RNF180: variants seen among roughly 807,000 people sequenced by gnomAD.
RNF180 encodes the protein E3 ubiquitin-protein ligase RNF180.
Under a neutral mutation model 59.2 loss-of-function variants are expected in RNF180, and 38 were observed. The ratio of observed to expected loss-of-function variants is 0.64; its 90% CI spans 0.50 to 0.84. The LOEUF is 0.84. Among genes scored for constraint, RNF180 ranks in the 40% least tolerant of loss-of-function variants. RNF180 has a pLI of 0.00. For synonymous variants in RNF180, 262 were observed against 240.3 expected (o/e 1.09, Z -0.84); for missense variants, 705 against 700.9 (o/e 1.01, Z -0.07).
intron 7 of RNF180, among the ~76,000 whole-genome samples, chr5:64,338,978 T>C (rs1325607119): frequency 2.0e-5 from 3 of 152,158 alleles, no homozygotes; most frequent in Non-Finnish European, 2.9e-5. Flanking sequence ...ATTGTATTTA[T>C]TTTTTATACT....
chr5:64,325,046 G>A (rs754521788), intron 5 of RNF180, 140 bp from the exon 6 acceptor site: 3 of 606,954 alleles, frequency 4.9e-6, no homozygotes, highest in African/African-American at 1.9e-5. Context: ...ACTTTGAAAG[G>A]TAGCATTTCT....
chr5:64,192,900 CATGTATATATATATATAT>C (rs1364322165), intron 1 of RNF180, among the ~76,000 whole-genome samples: 1 of 32,842 alleles, frequency 3.0e-5, no homozygotes, highest in Non-Finnish European at 5.9e-5. Flanking sequence ...GAAAGTGTGG[CATGTATATATATATATAT>C]ATATATATAT....
chr5:64,219,557 C>G (rs891818834), intron 5 of RNF180, among the ~76,000 whole-genome samples: 1 of 151,978 alleles, frequency 6.6e-6, no homozygotes, highest in African/African-American at 2.4e-5. Context: ...GCTCTGTCAC[C>G]AGGCTGGAGT....
intron 1 of RNF180, among the ~76,000 whole-genome samples, chr5:64,192,852 G>GAA (rs1261715138): frequency 1.4e-5 from 2 of 143,006 alleles, no homozygotes; most frequent in Non-Finnish European, 3.0e-5. Flanking sequence ...AATAAGGGGA[G>GAA]AAAAAACCAG....
chr5:64,370,073 G>T lies in RNF180; in HGVS notation c.*259G>T. 4.2e-6 allele frequency: 1 copy of T among 238,376 alleles called. No homozygotes were observed. The highest frequency in any genetic ancestry group is 8.0e-6 in the Non-Finnish European group (1 of 125,400). The allele number at this position is 238,376 out of a possible 1,614,324, so 14.8% of individuals were successfully genotyped here. A position where few individuals can be genotyped will look rare whatever the true frequency, so the allele number is the denominator to read the frequency against. The stretch of plus-strand genomic sequence containing the variant: ...AGTTGTTCTTGGGTTAGGATTTGGG[G>T]CTCTGATTTTATAATATCACTTTAA... On this transcript the variant is annotated 3_prime_UTR_variant, in exon 8 of 8. Coordinates refer to ENST00000389100, the MANE Select transcript of RNF180 (RefSeq NM_001113561.2).
At chr5:64,287,694 T>TA (rs1279088334) in intron 5 of RNF180, among the ~76,000 whole-genome samples, 1 of 152,232 alleles carries the variant, frequency 6.6e-6, no homozygotes, top group Non-Finnish European at 1.5e-5. Flanking sequence ...CTTTTTTTCA[T>TA]ATGTTTGTTG....
At chr5:64,215,908 C>T (rs1011849302) in intron 4 of RNF180, among the ~76,000 whole-genome samples, 1 of 151,952 alleles carries the variant, frequency 6.6e-6, no homozygotes, top group Admixed American at 6.6e-5. Flanking sequence ...TTTTGAAAAC[C>T]TCAGCTACAT....
chr5:64,311,378 C>T (rs764103492), intron 5 of RNF180, among the ~76,000 whole-genome samples: 1 of 151,864 alleles, frequency 6.6e-6, no homozygotes, highest in South Asian at 2.1e-4. Context: ...TCCAGTATGG[C>T]ATGTACTAAA....
chr5:64,178,916 C>G (rs573725578), intron 1 of RNF180, among the ~76,000 whole-genome samples: 3 of 152,152 alleles, frequency 2.0e-5, no homozygotes, highest in African/African-American at 7.2e-5. Flanking sequence ...TTGATTCAAG[C>G]AGGTTTAAGA....
chr5:64,280,210 A>G (rs1741938245), intron 5 of RNF180, among the ~76,000 whole-genome samples: 1 of 152,136 alleles, frequency 6.6e-6, no homozygotes, highest in African/African-American at 2.4e-5. Context: ...GATTCTGGAT[A>G]TTAGACCTTT....
chr5:64,269,471 C>A (rs1744880023), intron 5 of RNF180, among the ~76,000 whole-genome samples: 1 of 152,182 alleles, frequency 6.6e-6, no homozygotes, highest in Non-Finnish European at 1.5e-5. Context: ...TTTCCATGTG[C>A]CTCATAGAAT....
At chr5:64,312,043 A>G (rs1743795847) in intron 5 of RNF180, among the ~76,000 whole-genome samples, 1 of 152,058 alleles carries the variant, frequency 6.6e-6, no homozygotes, top group African/African-American at 2.4e-5. Flanking sequence ...GAGAGAATGA[A>G]GCTGCTAGGC....
At chr5:64,325,520 G>T in intron 6 of RNF180, 109 bp downstream of exon 6, 1 of 793,936 alleles carries the variant, frequency 1.3e-6, no homozygotes, top group Non-Finnish European at 2.0e-6. Flanking sequence ...ACCATAATTT[G>T]TTATTCTCCA....
chr5:64,217,474 C>G, intron 5 of RNF180, 78 bp downstream of exon 5: 2 of 1,316,454 alleles, frequency 1.5e-6, no homozygotes, highest in Non-Finnish European at 1.9e-6. Context: ...TTCCAAGCAG[C>G]AAAGACTTCC....
At position 64,325,306 on chromosome 5, in the gene RNF180, C is replaced by T. The variant is rs1349091722; in HGVS notation, c.1348C>T (p.His450Tyr). The change falls in exon 6 of 8, where the codon CAC becomes TAC. Residue 450 changes from histidine to tyrosine, a missense_variant. Transcript: ENST00000389100. ...FNPYMCYPCH[H>Y]IFCEPCLRTL... ...CCCTTATATGTGTTACCCTTGCCAT[C>T]ACATCTTCTGTGAGCCCTGCTTACG... The T allele has an allele frequency of 6.4e-7, 1 of 1,551,606 alleles. No individual in the cohort carries two copies. Among genetic ancestry groups the T allele is most frequent in the Non-Finnish European group, 8.7e-7 (1 of 1,146,896 alleles).
intron 5 of RNF180, among the ~76,000 whole-genome samples, chr5:64,308,311 C>CA (rs1312307445): frequency 6.6e-6 from 1 of 151,668 alleles, no homozygotes; most frequent in African/African-American, 2.4e-5. Context: ...CACAGAACAG[C>CA]AAAAAACTGT....
At chr5:64,299,522 T>A (rs1477627470) in intron 5 of RNF180, among the ~76,000 whole-genome samples, 11 of 152,014 alleles carry the variant, frequency 7.2e-5, no homozygotes, top group Non-Finnish European at 1.6e-4. Flanking sequence ...TGACATTCTG[T>A]TATATTGTTA....
At chr5:64,264,537 A>G (rs113947762) in intron 5 of RNF180, among the ~76,000 whole-genome samples, 3,228 of 152,186 alleles carry the variant, frequency 0.021, 89 homozygotes, top group African/African-American at 0.053. Flanking sequence ...AGCTTCATCC[A>G]TGTCCCTGCA....
At chr5:64,224,857 T>C (rs1741581526) in intron 5 of RNF180, among the ~76,000 whole-genome samples, 2 of 152,206 alleles carry the variant, frequency 1.3e-5, no homozygotes, top group South Asian at 4.1e-4. Flanking sequence ...AAAGCCCTTT[T>C]GAAACAGGCT....
Sources: gnomAD v4.1 joint callset for allele counts (sites outside exome capture counted in the v4.1 genomes callset) on GRCh38, gnomAD v4.1.1 for gene constraint, MANE v1.5 for transcripts, NCBI Gene and HGNC (gene_info 2026-07-23, HGNC 2026-07-21) for gene names.